Variants in SLC11A2 observed in about 807,000 individuals in gnomAD.
SLC11A2 encodes natural resistance-associated macrophage protein 2.
Under a neutral mutation model 68.0 loss-of-function variants are expected in SLC11A2, and 38 were observed. That is an observed-to-expected ratio of 0.56 (90% CI 0.43 to 0.73). SLC11A2 has a LOEUF of 0.73. SLC11A2 is among the 30% of genes least tolerant of loss of function. SLC11A2 has a pLI of 0.00. For synonymous variants in SLC11A2, 242 were observed against 250.6 expected, an observed-to-expected ratio of 0.97 and a Z score of 0.32; for missense variants, 517 against 690.5, an observed-to-expected ratio of 0.75 and a Z score of 2.82.
At chr12:50,994,692 C>A in intron 10 of SLC11A2, 62 bp from the exon 11 acceptor site, 1 of 904,552 alleles carries the variant, frequency 1.1e-6, no homozygotes, top group South Asian at 1.3e-5. Flanking sequence ...AATAAGAGCT[C>A]TCCTACATAT....
chr12:50,976,595 C>A (rs1048942604), downstream of SLC11A2, among the ~76,000 whole-genome samples: 21 of 152,220 alleles, frequency 1.4e-4, no homozygotes, highest in Non-Finnish European at 2.8e-4. Flanking sequence ...GACAGGGATG[C>A]CCTCCCTCTC....
chr12:50,990,505 G>A (rs1941042356), intron 15 of SLC11A2: 1 of 319,596 alleles, frequency 3.1e-6, no homozygotes, highest in Admixed American at 4.5e-5. Context: ...GTAAACAGCT[G>A]ATTTGACAAT....
At chr12:50,976,034 C>A (rs539492366), downstream of SLC11A2, among the ~76,000 whole-genome samples, 2 of 152,098 alleles carry the variant, frequency 1.3e-5, no homozygotes, top group African/African-American at 2.4e-5. Context: ...CAGGACCAGA[C>A]GGATTCACAG....
intron 1 of SLC11A2, 59 bp from the exon 2 acceptor site, chr12:51,010,825 C>T: frequency 1.1e-6 from 1 of 926,716 alleles, no homozygotes; most frequent in Non-Finnish European, 1.7e-6. Flanking sequence ...AAGTTCAGAA[C>T]CAGCAGTTTG....
At chr12:50,961,944 T>C in the SLC11A2 span, among the ~76,000 whole-genome samples, 2 of 152,224 alleles carry the variant, frequency 1.3e-5, no homozygotes, top group Admixed American at 6.5e-5. Flanking sequence ...ATTTTCATCA[T>C]TCAGCAAACA....
At chr12:50,983,604 G>A (rs527434741), downstream of SLC11A2, among the ~76,000 whole-genome samples, 18 of 152,232 alleles carry the variant, frequency 1.2e-4, no homozygotes, top group East Asian at 2.3e-3. Flanking sequence ...TTGAGAGGCC[G>A]AGGCAGGCAG....
chr12:50,982,659 T>C (rs752275577), downstream of SLC11A2, among the ~76,000 whole-genome samples: 26 of 149,232 alleles, frequency 1.7e-4, no homozygotes, highest in Non-Finnish European at 3.4e-4. Context: ...AAAAAACAAT[T>C]CCGACTGGGC....
Position 50,986,753 on chromosome 12 carries a change from A to C in SLC11A2, c.*1572T>G. ...ATTGTCATTCATAACTCTGTGCTAT[A>C]TTACTTGAGGGGCTAAGAAAAATGT... On this transcript the variant is annotated 3_prime_UTR_variant, in exon 16 of 16. Transcript: ENST00000262052. 1 of 1,287,156 alleles carries C rather than the reference A, an allele frequency of 7.8e-7. No homozygotes were observed. The highest frequency in any genetic ancestry group is 1.0e-6 in the Non-Finnish European group (1 of 988,666). The allele number at this position is 1,287,156 out of a possible 1,614,324, so 79.7% of individuals were successfully genotyped here.
intron 6 of SLC11A2, 85 bp downstream of exon 6, chr12:51,000,228 A>G: frequency 9.9e-7 from 1 of 1,006,088 alleles, no homozygotes; most frequent in Non-Finnish European, 1.6e-6. Context: ...AGTCTTCAAA[A>G]TTAAAAATGA....
At chr12:50,981,893 T>A, downstream of SLC11A2, 2 of 682,246 alleles carry the variant, frequency 2.9e-6, no homozygotes. Context: ...CACATCAATT[T>A]AGGCCTTTTT....
At chr12:50,972,501 T>C in the SLC11A2 span, among the ~76,000 whole-genome samples, 2 of 152,188 alleles carry the variant, frequency 1.3e-5, no homozygotes, top group South Asian at 2.1e-4. Context: ...GCCATTGCCA[T>C]GTTCTGGGGT....
At chr12:50,956,816 G>A in the SLC11A2 span, among the ~76,000 whole-genome samples, 7 of 151,922 alleles carry the variant, frequency 4.6e-5, no homozygotes, top group African/African-American at 1.7e-4. Flanking sequence ...TTTTTCTTTT[G>A]GTTATTTCCT....
chr12:51,004,404 G>C (rs1411719949), intron 5 of SLC11A2, among the ~76,000 whole-genome samples: 1 of 152,140 alleles, frequency 6.6e-6, no homozygotes, highest in East Asian at 1.9e-4. Context: ...TCAAAGTGAT[G>C]GCAAAGTCAA....
At chr12:51,023,714 T>A (rs1435272710) in intron 1 of SLC11A2, among the ~76,000 whole-genome samples, 1 of 152,160 alleles carries the variant, frequency 6.6e-6, no homozygotes, top group Non-Finnish European at 1.5e-5. Flanking sequence ...CCTTCACTCT[T>A]ACCAGGCCAA....
At chr12:50,989,363 T>C (rs1315464549) in intron 15 of SLC11A2, among the ~76,000 whole-genome samples, 2 of 152,086 alleles carry the variant, frequency 1.3e-5, no homozygotes, top group East Asian at 1.9e-4. Context: ...GGTTAGCACA[T>C]GGCTGTAGTC....
intron 15 of SLC11A2, 100 bp downstream of exon 15, chr12:50,990,695 C>T (rs1941061239): frequency 1.7e-5 from 21 of 1,236,170 alleles, no homozygotes; most frequent in Middle Eastern, 2.7e-4. Context: ...TAGGCATGAG[C>T]CACTGTGCCC....
intron 1 of SLC11A2, among the ~76,000 whole-genome samples, chr12:51,018,752 G>C (rs1181309761): frequency 6.6e-6 from 1 of 152,158 alleles, no homozygotes; most frequent in Non-Finnish European, 1.5e-5. Flanking sequence ...TACAGAGCAA[G>C]ACCCTGTCTG....
intron 11 of SLC11A2, among the ~76,000 whole-genome samples, chr12:50,993,339 G>T (rs1384298918): frequency 6.6e-6 from 1 of 152,076 alleles, no homozygotes; most frequent in Non-Finnish European, 1.5e-5. Flanking sequence ...ACTGTTGGAG[G>T]ATCACAATGT....
In SLC11A2 at chr12:50,987,696, A is replaced by C. The variant is rs1940731079; in HGVS notation, c.*629T>G. 1 of 1,287,036 alleles carries C rather than the reference A, an allele frequency of 7.8e-7. No individual in the cohort carries two copies. Among genetic ancestry groups the C allele is most frequent in the Non-Finnish European group, 1.0e-6 (1 of 988,646 alleles). The allele number at this position is 1,287,036 out of a possible 1,614,324, so 79.7% of individuals were successfully genotyped here. On this transcript the variant is annotated 3_prime_UTR_variant, in exon 16 of 16. Transcript: ENST00000262052. The stretch of plus-strand genomic sequence containing the variant: ...TGTGGTGCTGGTTTTGTTAGTTGTC[A>C]GTTTTTCCCCTTCTTTGTTTTCTCA...
Sources: gnomAD v4.1 joint callset for allele counts (sites outside exome capture counted in the v4.1 genomes callset) on GRCh38, gnomAD v4.1.1 for gene constraint, MANE v1.5 for transcripts, NCBI Gene and HGNC (gene_info 2026-07-23, HGNC 2026-07-21) for gene names.